EPB41: variants seen among roughly 807,000 people sequenced by gnomAD.
EPB41 encodes the protein erythrocyte membrane protein band 4.1, also known as protein 4.1.
In EPB41, 65 loss-of-function variants were observed where a neutral mutation model predicts 108.0. The ratio of observed to expected loss-of-function variants is 0.60; its 90% CI spans 0.49 to 0.74. The LOEUF is 0.74. Ranked by LOEUF, EPB41 falls within the 30% of genes least tolerant of loss-of-function variation. The pLI is 0.00. For missense variants in EPB41, 875 were observed against 1,037.0 expected (o/e 0.84, Z 2.15); for synonymous variants, 336 against 358.9 (o/e 0.94, Z 0.72).
Position 29,061,039 on chromosome 1 carries a change from G to A in EPB41, c.2007+555G>A, listed in dbSNP as rs78998215. ...ATGGTTTAATCATAAAAACAGGCCT[G>A]TGGGTATGGGATTGTTATTTTAAAG... On this transcript the variant is annotated intron_variant, in intron 15 of 20. Transcript: ENST00000343067. 2.0e-5 allele frequency among the ~76,000 whole-genome samples: 3 copies of A among 152,198 alleles called. No homozygotes were observed. The East Asian group carries it at 5.8e-4, about 29-fold the overall frequency.
chr1:28,956,428 GA>G (rs1157021061), intron 1 of EPB41, among the ~76,000 whole-genome samples: 2 of 152,170 alleles, frequency 1.3e-5, no homozygotes, highest in Non-Finnish European at 2.9e-5. Context: ...AATTAGTTTT[GA>G]AGAATTGAAA....
intron 14 of EPB41, among the ~76,000 whole-genome samples, chr1:29,059,148 G>T (rs184211781): frequency 6.6e-6 from 1 of 152,064 alleles, no homozygotes; most frequent in Non-Finnish European, 1.5e-5. Flanking sequence ...GTTGGTGCAC[G>T]CCTTTAATCC....
At chr1:29,027,622 C>T (rs368991201) in intron 7 of EPB41, among the ~76,000 whole-genome samples, 21 of 152,108 alleles carry the variant, frequency 1.4e-4, no homozygotes, top group African/African-American at 4.1e-4. Context: ...TGAGCCACCG[C>T]GCCTGGCTGA....
intron 1 of EPB41, among the ~76,000 whole-genome samples, chr1:28,934,723 C>G (rs1006047950): frequency 7.6e-6 from 1 of 131,776 alleles, no homozygotes; most frequent in Non-Finnish European, 1.6e-5. Context: ...TACTTTCCTA[C>G]TTTGTGGTAC....
chr1:28,996,924 G>A (rs1034698412), intron 3 of EPB41, among the ~76,000 whole-genome samples: 5 of 151,956 alleles, frequency 3.3e-5, no homozygotes, highest in East Asian at 1.9e-4. Flanking sequence ...CACTTGAGGC[G>A]GGGGAATCAC....
intron 2 of EPB41, among the ~76,000 whole-genome samples, chr1:28,990,127 G>C (rs999272986): frequency 2.0e-5 from 3 of 150,860 alleles, no homozygotes; most frequent in Non-Finnish European, 4.4e-5. Flanking sequence ...GTGGTGGCGG[G>C]CACCTGTAGT....
chr1:29,056,190 C>T (rs1298713074), intron 12 of EPB41, among the ~76,000 whole-genome samples: 6 of 149,634 alleles, frequency 4.0e-5, no homozygotes, highest in Admixed American at 6.7e-5. Context: ...GCCGAGATCG[C>T]GCCGCTGCAC....
At chr1:29,010,779 G>A (rs12072697) in intron 4 of EPB41, among the ~76,000 whole-genome samples, 18,717 of 152,138 alleles carry the variant, frequency 0.12, 1,586 homozygotes, top group African/African-American at 0.25. Context: ...TTCAGTAAAC[G>A]TTAACTGGGC....
rs2096569997 is a variant in EPB41 at position 29,015,763 on chromosome 1, A to G, written c.901A>G (p.Thr301Ala). Residue 301 changes from threonine to alanine, a missense_variant, in exon 6 of 21, where the codon ACA becomes GCA. Around this residue, in one of 3 missense-constraint regions of EPB41, gnomAD observed 353 missense variants for 393.2 expected, o/e 0.90. Transcript: ENST00000343067. ...PDPAQLTEDI[T>A]RYYLCLQLRQ... ...CCCAGCACAGTTAACAGAAGACATA[A>G]CAAGGTAAATAAGTAATAGTTAAAT... The G allele has an allele frequency of 1.3e-6, 2 of 1,586,486 alleles. No homozygotes were observed. The highest frequency in any genetic ancestry group is 1.7e-6 in the Non-Finnish European group (2 of 1,155,580).
At chr1:29,027,947 C>T (rs2096742505) in intron 7 of EPB41, among the ~76,000 whole-genome samples, 1 of 152,008 alleles carries the variant, frequency 6.6e-6, no homozygotes, top group Non-Finnish European at 1.5e-5. Flanking sequence ...GCCTCAGCCT[C>T]CTAAGTAGCT....
chr1:29,046,132 A>T (rs1157445080), intron 11 of EPB41, among the ~76,000 whole-genome samples: 2 of 149,426 alleles, frequency 1.3e-5, no homozygotes, highest in East Asian at 2.0e-4. Context: ...ATTTAATTTT[A>T]TTTTTTTTTT....
intron 1 of EPB41, among the ~76,000 whole-genome samples, chr1:28,930,694 A>G (rs1054885917): frequency 1.3e-5 from 2 of 151,982 alleles, no homozygotes; most frequent in African/African-American, 4.8e-5. Flanking sequence ...CTTGTTGGCC[A>G]GGCTGGTCTC....
chr1:29,049,633 A>G (rs945783609), intron 11 of EPB41, among the ~76,000 whole-genome samples: 1 of 152,236 alleles, frequency 6.6e-6, no homozygotes, highest in African/African-American at 2.4e-5. Context: ...AAATTGTGCT[A>G]GTAAATAACA....
chr1:28,932,057 T>C (rs1324622989), intron 1 of EPB41, among the ~76,000 whole-genome samples: 1 of 152,272 alleles, frequency 6.6e-6, no homozygotes, highest in Non-Finnish European at 1.5e-5. Flanking sequence ...TTGGTTATTA[T>C]AAGTTGCTTC....
At chr1:29,063,412 T>TG (rs1646862277) in intron 15 of EPB41, among the ~76,000 whole-genome samples, 1 of 152,210 alleles carries the variant, frequency 6.6e-6, no homozygotes, top group Non-Finnish European at 1.5e-5. Flanking sequence ...CAGGTATACA[T>TG]GGTTCAGTCT....
chr1:28,983,816 G>A (rs1183090362), intron 1 of EPB41, among the ~76,000 whole-genome samples: 1 of 152,158 alleles, frequency 6.6e-6, no homozygotes, highest in South Asian at 2.1e-4. Context: ...GCAGCTCAGT[G>A]GGCCCTTTGC....
At chr1:28,985,071 TCTCCTGCCTTAG>T (rs1321472647) in intron 1 of EPB41, among the ~76,000 whole-genome samples, 2 of 152,086 alleles carry the variant, frequency 1.3e-5, no homozygotes, top group Non-Finnish European at 1.5e-5. Context: ...TTCAAGTGAT[TCTCCTGCCTTAG>T]CTTCCTGAGT....
chr1:28,965,955 G>A (rs1438015480), intron 1 of EPB41, among the ~76,000 whole-genome samples: 3 of 152,094 alleles, frequency 2.0e-5, no homozygotes, highest in Non-Finnish European at 4.4e-5. Flanking sequence ...GGCTGAGACG[G>A]GTGGATCACC....
chr1:28,988,557 G>T (rs2095926479), intron 2 of EPB41, among the ~76,000 whole-genome samples: 1 of 151,764 alleles, frequency 6.6e-6, no homozygotes, highest in Non-Finnish European at 1.5e-5. Context: ...ACAGCGTTTT[G>T]CTGTGTTGGC....
Sources: allele counts gnomAD v4.1 joint callset (sites outside exome capture counted in the v4.1 genomes callset), GRCh38; gene constraint gnomAD v4.1.1; regional missense constraint gnomAD v4.1.1; transcripts MANE v1.5; gene names NCBI Gene and HGNC (gene_info 2026-07-23, HGNC 2026-07-21).